Variants in STARD9 observed in about 807,000 individuals in gnomAD.
The protein encoded by STARD9 is StAR related lipid transfer domain containing 9.
In STARD9, 346 loss-of-function variants were observed where a neutral mutation model predicts 399.8. The observed-to-expected ratio is 0.87, with a 90% CI of 0.79 to 0.95. The LOEUF (loss-of-function observed/expected upper bound fraction) is 0.95. Ranked by LOEUF, STARD9 falls within the 40% of genes least tolerant of loss-of-function variation. The pLI is 0.00. For synonymous variants in STARD9, 2,203 were observed against 2,143.5 expected (o/e 1.03, Z -0.77); for missense variants, 5,832 against 5,667.5 (o/e 1.03, Z -0.93).
At chr15:42,682,016 C>T (rs2060441006) in intron 21 of STARD9, 88 bp from the exon 22 acceptor site, 1 of 891,054 alleles carries the variant, frequency 1.1e-6, no homozygotes, top group African/African-American at 1.7e-5. Context: ...CCACACAGGT[C>T]CAGCCATGGC....
chr15:42,681,369 C>A, intron 20 of STARD9, 53 bp from the exon 21 acceptor site: 1 of 1,502,968 alleles, frequency 6.7e-7, no homozygotes, highest in South Asian at 1.3e-5. Flanking sequence ...ATCAGTTTGT[C>A]CTGAGCTTGG....
intron 7 of STARD9, among the ~76,000 whole-genome samples, chr15:42,642,860 A>G (rs1037021704): frequency 6.6e-6 from 1 of 152,116 alleles, no homozygotes; most frequent in African/African-American, 2.4e-5. Context: ...GTGCAGTGGC[A>G]CGATCGTGAC....
chr15:42,674,455 A>T lies in STARD9; in HGVS notation c.1513A>T (p.Ile505Leu), dbSNP rs1322217522. 5.9e-6 allele frequency: 9 copies of T among 1,537,080 alleles called. No homozygotes were observed. In the South Asian group the frequency reaches 1.1e-4, roughly 18 times the overall value. ...LYHLKEGTTKIGRIDSDQEQD... is the reference protein window; with the variant it reads ...LYHLKEGTTKLGRIDSDQEQD... ...CCCCCTTTAGGAAGGGACAACAAAAATAGGAAGGATTGACTCAGACCAGGA... is the reference window on the plus strand; with the variant it reads ...CCCCCTTTAGGAAGGGACAACAAAATTAGGAAGGATTGACTCAGACCAGGA... The change falls in exon 17 of 33, where the codon ATA (isoleucine) becomes TTA (leucine). Residue 505 changes from isoleucine to leucine, a missense_variant. Physicochemically the swap from Ile to Leu is conservative, Grantham distance 5 (BLOSUM62 2). Coordinates refer to ENST00000290607, the MANE Select transcript of STARD9 (RefSeq NM_020759.3).
chr15:42,716,219 C>CT (rs2061346874), intron 26 of STARD9, among the ~76,000 whole-genome samples: 1 of 152,130 alleles, frequency 6.6e-6, no homozygotes, highest in South Asian at 2.1e-4. Flanking sequence ...GCTGCTGCAC[C>CT]TGGGGTGGGG....
At chr15:42,712,111 A>ATAATATATT (rs55808206) in intron 26 of STARD9, among the ~76,000 whole-genome samples, 198 of 3,178 alleles carry the variant, frequency 0.062, 51 homozygotes, top group African/African-American at 0.25. Flanking sequence ...TATAATATAT[A>ATAATATATT]ATATATAATA....
intron 3 of STARD9, among the ~76,000 whole-genome samples, chr15:42,603,596 G>T (rs2058671573): frequency 6.6e-6 from 1 of 152,088 alleles, no homozygotes; most frequent in Non-Finnish European, 1.5e-5. Context: ...CAAAAGCCCA[G>T]AGTTTATTAC....
rs944379453 is a variant in STARD9 at position 42,685,347 on chromosome 15, A to G, written c.3769A>G (p.Ile1257Val). The change falls in exon 23 of 33, where the codon ATC (isoleucine) becomes GTC (valine). Residue 1257 changes from isoleucine to valine, a missense_variant. This residue lies in a region of STARD9 where 5,828 missense variants were observed against 5,651.1 expected (regional missense o/e 1.03). Transcript: ENST00000290607. ...AGAGGCAATATGCAGGCTTGGTCCC[A>G]TCAACTACAGAACAGCAGCTAGGCT... ...DQEAICRLGPINYRTAARLDA... is the reference protein window; with the variant it reads ...DQEAICRLGPVNYRTAARLDA... 13 of 1,537,300 alleles carry G rather than the reference A, an allele frequency of 8.5e-6. No homozygotes were observed. In the African/African-American group the frequency reaches 1.2e-4, roughly 15 times the overall value.
chr15:42,686,158 G>A lies in STARD9; in HGVS notation c.4580G>A (p.Gly1527Glu), dbSNP rs1238785236. 1.3e-6 allele frequency: 2 copies of A among 1,537,408 alleles called. No individual in the cohort carries two copies. The highest frequency in any genetic ancestry group is 1.7e-6 in the Non-Finnish European group (2 of 1,146,956). ...TCCCTGGCCCAAGCTTCTAGCAAAG[G>A]AGGAGATACTCTATTGCCAGTTGGC... ...SGSLAQASSK[G>E]GDTLLPVGPR... Residue 1527 changes from glycine (G) to glutamate (E), a missense_variant, in exon 23 of 33, where the codon GGA becomes GAA. By Grantham distance (98) the Gly-to-Glu change is moderately conservative. Transcript: ENST00000290607.
In STARD9 at chr15:42,640,524, T is replaced by C. The variant is rs116602451; in HGVS notation, c.559+1712T>C. Among the ~76,000 whole-genome samples, 1,277 of 152,212 alleles carry C rather than the reference T, an allele frequency of 8.4e-3. 16 individuals are homozygous for C. The highest frequency in any genetic ancestry group is 0.029 in the African/African-American group (1,218 of 41,518). On this transcript the variant is annotated intron_variant, in intron 7 of 32. Coordinates refer to ENST00000290607, the MANE Select transcript of STARD9 (RefSeq NM_020759.3). ...TGCAGCAGTATCAAACTTCTCATCT[T>C]AAAAGTCTGTGTGTGGGCCGGGTGC...
At position 42,691,697 on chromosome 15, in the gene STARD9, A is replaced by C; in HGVS notation, c.10119A>C (p.Ala3373=). 1 of 1,537,288 alleles carries C rather than the reference A, an allele frequency of 6.5e-7. No homozygotes were observed. The highest frequency in any genetic ancestry group is 8.7e-7 in the Non-Finnish European group (1 of 1,146,926). The change falls in exon 23 of 33, where the codon GCA becomes GCC. Residue 3373 remains alanine (A), a synonymous_variant. Transcript: ENST00000290607. ...GCTATTCCTCAGGAAAGTCAGTGGCAAGAACATCTCTGCAGGCTGAGGACA... is the reference window on the plus strand; with the variant it reads ...GCTATTCCTCAGGAAAGTCAGTGGCCAGAACATCTCTGCAGGCTGAGGACA... ...LRGYSSGKSV[A]RTSLQAEDSN...
intron 26 of STARD9, among the ~76,000 whole-genome samples, chr15:42,707,342 A>G (rs12594696): frequency 0.061 from 9,261 of 152,302 alleles, 627 homozygotes; most frequent in African/African-American, 0.18. Flanking sequence ...GTTGGAGGAC[A>G]TTCGCAAATC....
At chr15:42,638,214 T>G (rs1303746700) in intron 6 of STARD9, 127 bp downstream of exon 6, 4 of 835,438 alleles carry the variant, frequency 4.8e-6, no homozygotes, top group Non-Finnish European at 7.6e-6. Flanking sequence ...AGAAGAAATA[T>G]CTTGCAGTAC....
chr15:42,718,982 T>A lies in STARD9; in HGVS notation c.14001+72T>A, dbSNP rs567894069. 313 of 1,432,564 alleles carry A rather than the reference T, an allele frequency of 2.2e-4. 1 individual carries two copies. Among genetic ancestry groups the A allele is most frequent in the Admixed American group, 3.4e-4 (17 of 49,936 alleles). 88.7% of individuals were successfully genotyped at this position (1,432,564 alleles called of 1,614,324 possible). A position where few individuals can be genotyped will look rare whatever the true frequency, so the allele number is the denominator to read the frequency against. ...CCCACAGCCCCCTGGGATTTTTCTG[T>A]CTCGCTTTTGAACACCCTCCAGTGC... is the stretch of plus-strand genomic sequence containing the variant. On this transcript the variant is annotated intron_variant, in intron 32 of 32. Transcript: ENST00000290607.
At chr15:42,629,874 GATCA>G (rs1390878857) in intron 3 of STARD9, 1 of 151,594 alleles carries the variant, frequency 6.6e-6, no homozygotes, top group Non-Finnish European at 1.5e-5. Flanking sequence ...TAGTTTAAAT[GATCA>G]TATGGTTTTT....
chr15:42,674,712 CTT>C, intron 17 of STARD9, 113 bp from the exon 18 acceptor site: 1 of 1,408,614 alleles, frequency 7.1e-7, no homozygotes. Context: ...AGCTCTTCCT[CTT>C]TTATTATGGT....
At position 42,718,910 on chromosome 15, in the gene STARD9, G is replaced by C. The variant is rs1396204858; in HGVS notation, c.14001G>C (p.Gln4667His). 1.5e-5 allele frequency: 23 copies of C among 1,537,158 alleles called. No individual in the cohort carries two copies. Among genetic ancestry groups the C allele is most frequent in the Non-Finnish European group, 2.0e-5 (23 of 1,146,850 alleles). ...TCACCAGAGTCATCTACTTGGCCCA[G>C]GTGATAAATCCTTTGCAGCTGGCCT... ...KEVTRVIYLA[Q>H]VELGAPGFPP... Residue 4667 changes from glutamine (Q) to histidine (H), a missense_variant and splice_region_variant, in exon 32 of 33, where the codon CAG (glutamine) becomes CAC (histidine). This residue lies in a region of STARD9 where 5,828 missense variants were observed against 5,651.1 expected (regional missense o/e 1.03). Transcript: ENST00000290607.
intron 3 of STARD9, among the ~76,000 whole-genome samples, chr15:42,605,605 T>A (rs2058709756): frequency 6.6e-6 from 1 of 152,240 alleles, no homozygotes. Flanking sequence ...CTTCTCTTCC[T>A]AGAAGTGGGG....
At chr15:42,591,520 A>G (rs940045720) in intron 3 of STARD9, among the ~76,000 whole-genome samples, 4 of 151,922 alleles carry the variant, frequency 2.6e-5, no homozygotes, top group Admixed American at 6.6e-5. Flanking sequence ...GACATTAGCC[A>G]CTAATCTAGG....
At chr15:42,632,554 G>A (rs895839606) in intron 3 of STARD9, among the ~76,000 whole-genome samples, 1 of 151,894 alleles carries the variant, frequency 6.6e-6, no homozygotes, top group East Asian at 1.9e-4. Flanking sequence ...ATTTTCTCTG[G>A]TGACATGTTT....
Sources: gnomAD v4.1 joint callset for allele counts (sites outside exome capture counted in the v4.1 genomes callset) on GRCh38, gnomAD v4.1.1 for gene constraint, gnomAD v4.1.1 regional missense constraint, MANE v1.5 for transcripts, NCBI Gene and HGNC (gene_info 2026-07-23, HGNC 2026-07-21) for gene names.